PTPRD: variants seen among roughly 807,000 people sequenced by gnomAD.
The protein encoded by PTPRD is receptor-type tyrosine-protein phosphatase delta.
Under a neutral mutation model 214.5 loss-of-function variants are expected in PTPRD, and 34 were observed. The observed-to-expected ratio is 0.16, with a 90% CI of 0.12 to 0.21. PTPRD has a LOEUF of 0.21. Among genes scored for constraint, PTPRD ranks in the 10% least tolerant of loss-of-function variants. The pLI is 1.00. For missense variants in PTPRD, 2,545 were observed against 2,398.7 expected (o/e 1.06, Z -1.27); for synonymous variants, 1,128 against 845.7 (o/e 1.33, Z -5.79).
intron 3 of PTPRD, among the ~76,000 whole-genome samples, chr9:10,266,915 G>A (rs893514264): frequency 6.6e-6 from 1 of 152,024 alleles, no homozygotes; most frequent in South Asian, 2.1e-4. Context: ...AGGGGGTTGG[G>A]CATGGTGGCT....
At chr9:10,423,111 A>T (rs2098562362) in intron 2 of PTPRD, among the ~76,000 whole-genome samples, 1 of 152,144 alleles carries the variant, frequency 6.6e-6, no homozygotes, top group South Asian at 2.1e-4. Flanking sequence ...TACACCATGG[A>T]ATACTATGCA....
intron 9 of PTPRD, among the ~76,000 whole-genome samples, chr9:9,272,174 T>G (rs1243105800): frequency 6.6e-6 from 1 of 151,242 alleles, no homozygotes; most frequent in Non-Finnish European, 1.5e-5. Flanking sequence ...TACTTGAAAC[T>G]GCATACCCCA....
At chr9:9,619,271 G>T (rs1564098619) in intron 7 of PTPRD, among the ~76,000 whole-genome samples, 1 of 151,870 alleles carries the variant, frequency 6.6e-6, no homozygotes, top group Non-Finnish European at 1.5e-5. Flanking sequence ...TTGAAATGAA[G>T]TTGCAGTATC....
intron 9 of PTPRD, among the ~76,000 whole-genome samples, chr9:9,196,405 C>T (rs947351200): frequency 6.6e-6 from 1 of 152,136 alleles, no homozygotes; most frequent in Admixed American, 6.5e-5. Flanking sequence ...AACACAGTAT[C>T]TCTGCCATGA....
intron 14 of PTPRD, among the ~76,000 whole-genome samples, chr9:8,573,237 A>G (rs2154238962): frequency 6.6e-6 from 1 of 152,150 alleles, no homozygotes; most frequent in Non-Finnish European, 1.5e-5. Flanking sequence ...CTAAAAAATG[A>G]TGTGCAAATT....
intron 11 of PTPRD, among the ~76,000 whole-genome samples, chr9:8,977,058 T>C (rs918618344): frequency 1.3e-5 from 2 of 152,130 alleles, no homozygotes; most frequent in African/African-American, 4.8e-5. Flanking sequence ...CTGAGATATC[T>C]TCTGTTACGC....
At chr9:8,362,045 G>C (rs1449172614) in intron 39 of PTPRD, among the ~76,000 whole-genome samples, 1 of 152,238 alleles carries the variant, frequency 6.6e-6, no homozygotes, top group Non-Finnish European at 1.5e-5. Context: ...AAAGAATTCA[G>C]CAAGAGGTAT....
At chr9:9,282,491 A>C (rs965460604) in intron 9 of PTPRD, among the ~76,000 whole-genome samples, 2 of 151,422 alleles carry the variant, frequency 1.3e-5, no homozygotes, top group Admixed American at 1.3e-4. Flanking sequence ...GGAAAAATTC[A>C]GATGGTTTTA....
chr9:8,757,604 C>T (rs1396373944), intron 11 of PTPRD, among the ~76,000 whole-genome samples: 2 of 146,502 alleles, frequency 1.4e-5, no homozygotes, highest in Non-Finnish European at 3.0e-5. Context: ...TAGAATTCTG[C>T]ATATATATAA....
chr9:8,930,058 C>T (rs1264321851), intron 11 of PTPRD, among the ~76,000 whole-genome samples: 2 of 151,474 alleles, frequency 1.3e-5, no homozygotes, highest in Non-Finnish European at 2.9e-5. Context: ...TGTGCTGCAC[C>T]CATTAACTCG....
At chr9:8,975,815 T>TAC (rs1314105633) in intron 11 of PTPRD, among the ~76,000 whole-genome samples, 2 of 151,532 alleles carry the variant, frequency 1.3e-5, no homozygotes, top group Non-Finnish European at 2.9e-5. Context: ...TATATATATA[T>TAC]ACACATCCAA....
chr9:9,945,488 CAG>C (rs1248406508), intron 4 of PTPRD, among the ~76,000 whole-genome samples: 1 of 152,038 alleles, frequency 6.6e-6, no homozygotes, highest in Non-Finnish European at 1.5e-5. Context: ...TGCAGGAAGT[CAG>C]AGAGTGGGGT....
intron 8 of PTPRD, among the ~76,000 whole-genome samples, chr9:9,445,496 T>G (rs1215001152): frequency 6.6e-6 from 1 of 152,092 alleles, no homozygotes; most frequent in Non-Finnish European, 1.5e-5. Flanking sequence ...TGAAAGAGGT[T>G]TAATTGACTC....
chr9:8,843,627 T>G (rs904774928), intron 11 of PTPRD, among the ~76,000 whole-genome samples: 1 of 152,138 alleles, frequency 6.6e-6, no homozygotes, highest in African/African-American at 2.4e-5. Flanking sequence ...AAAAGGACAA[T>G]GGGTTTCTTA....
chr9:8,962,624 A>C (rs2099165059), intron 11 of PTPRD, among the ~76,000 whole-genome samples: 1 of 152,052 alleles, frequency 6.6e-6, no homozygotes, highest in African/African-American at 2.4e-5. Flanking sequence ...TTGATTTATC[A>C]CTTAATTACA....
intron 4 of PTPRD, among the ~76,000 whole-genome samples, chr9:9,997,411 G>A (rs955078725): frequency 2.0e-5 from 3 of 151,312 alleles, no homozygotes; most frequent in Non-Finnish European, 2.9e-5. Flanking sequence ...TCAACCTCCC[G>A]AGTAGCTGGG....
chr9:8,700,073 G>T (rs919981386), intron 12 of PTPRD, among the ~76,000 whole-genome samples: 1 of 152,014 alleles, frequency 6.6e-6, no homozygotes, highest in Non-Finnish European at 1.5e-5. Context: ...AGTAATCAAT[G>T]GTTTTTTAAA....
At chr9:9,598,718 G>T (rs1287961282) in intron 7 of PTPRD, among the ~76,000 whole-genome samples, 1 of 151,564 alleles carries the variant, frequency 6.6e-6, no homozygotes, top group East Asian at 1.9e-4. Context: ...TCCCATTATT[G>T]GTAAGCATAA....
At chr9:8,437,260 TAAATA>T (rs1249455665) in intron 34 of PTPRD, 5 of 1,486,192 alleles carry the variant, frequency 3.4e-6, no homozygotes, top group Admixed American at 2.2e-5. Context: ...AATGATGGTG[TAAATA>T]AAATAAAATA....
Sources: gnomAD v4.1 joint callset for allele counts (sites outside exome capture counted in the v4.1 genomes callset) on GRCh38, gnomAD v4.1.1 for gene constraint, MANE v1.5 for transcripts, NCBI Gene and HGNC (gene_info 2026-07-23, HGNC 2026-07-21) for gene names.